GOLGB1: variants seen among roughly 807,000 people sequenced by gnomAD.
The protein encoded by GOLGB1 is golgin B1, also known as golgin subfamily B member 1.
In GOLGB1, 174 loss-of-function variants were observed where a neutral mutation model predicts 336.9. The observed-to-expected ratio is 0.52, with a 90% CI of 0.46 to 0.59. The LOEUF (loss-of-function observed/expected upper bound fraction) is 0.59, where lower values mean the gene tolerates loss of function less well. Among genes scored for constraint, GOLGB1 ranks in the 20% least tolerant of loss-of-function variants. The pLI, the probability that GOLGB1 is intolerant of heterozygous loss-of-function variation, is 0.00. For missense variants in GOLGB1, 3,331 were observed against 3,645.3 expected (o/e 0.91, Z 2.22); for synonymous variants, 1,208 against 1,289.2 (o/e 0.94, Z 1.35).
Position 121,694,767 on chromosome 3 carries a change from G to A in GOLGB1, c.5756C>T (p.Thr1919Ile). Residue 1919 changes from threonine (T) to isoleucine (I), a missense_variant, in exon 13 of 22, where the codon ACA becomes ATA. Transcript: ENST00000614479. ...ELSRVTKLKETAEEEKDDLEE... is the reference protein window; with the variant it reads ...ELSRVTKLKEIAEEEKDDLEE... ...CAAATCATCTTTCTCTTCTTCTGCT[G>A]TCTCCTTTAGTTTGGTAACTCTGGA... The A allele has an allele frequency of 1.2e-6, 2 of 1,612,758 alleles. No homozygotes were observed. Among genetic ancestry groups the A allele is most frequent in the Admixed American group, 3.3e-5 (2 of 60,028 alleles).
Position 121,663,969 on chromosome 3 carries a change from G to A in GOLGB1, c.*511C>T, listed in dbSNP as rs1938243270. 6.4e-6 allele frequency: 1 copy of A among 156,856 alleles called. No individual in the cohort carries two copies. The allele number at this position is 156,856 out of a possible 1,614,324, so 9.7% of individuals were successfully genotyped here. On this transcript the variant is annotated 3_prime_UTR_variant, in exon 22 of 22. Coordinates refer to ENST00000614479, the MANE Select transcript of GOLGB1 (RefSeq NM_001366282.2). ...CAGCTTTCACCACCCTATTCTGCAA[G>A]AGACCTAAATCAGATGTCCTATGAG...
Position 121,691,251 on chromosome 3 carries a change from T to C in GOLGB1, c.8113A>G (p.Thr2705Ala). The C allele has an allele frequency of 6.2e-7, 1 of 1,614,038 alleles. No homozygotes were observed. Among genetic ancestry groups the C allele is most frequent in the Non-Finnish European group, 8.5e-7 (1 of 1,180,010 alleles). ...AGCTCTGCCACTCTCTCTTCTGCTG[T>C]TTCAGTTTCATTTCTCATTATCCCT... ...DAGIMRNETE[T>A]AEERVAELAR... The change falls in exon 14 of 22, where the codon ACA (threonine) becomes GCA (alanine). Residue 2705 changes from threonine to alanine, a missense_variant. Coordinates refer to ENST00000614479, the MANE Select transcript of GOLGB1 (RefSeq NM_001366282.2).
chr3:121,694,928 C>T lies in GOLGB1; in HGVS notation c.5595G>A (p.Lys1865=). ...AGLEEEKQKN[K]EFSQTLENEK... Reference sequence around the variant, plus strand: ...CATTTTCTAAAGTCTGGCTAAATTCCTTGTTTTTCTGCTTCTCCTCCTCTA... The same window carrying T: ...CATTTTCTAAAGTCTGGCTAAATTCTTTGTTTTTCTGCTTCTCCTCCTCTA... Residue 1865 remains lysine (K), a synonymous_variant, in exon 13 of 22, where the codon AAG becomes AAA. Transcript: ENST00000614479. 1 of 1,614,036 alleles carries T rather than the reference C, an allele frequency of 6.2e-7. No individual in the cohort carries two copies. The highest frequency in any genetic ancestry group is 8.5e-7 in the Non-Finnish European group (1 of 1,179,946).
At position 121,664,190 on chromosome 3, in the gene GOLGB1, G is replaced by T. The variant is rs1205913697; in HGVS notation, c.*290C>A. The T allele has an allele frequency of 7.7e-5, 30 of 388,562 alleles. No individual in the cohort carries two copies. In the East Asian group the frequency reaches 1.3e-3, roughly 16 times the overall value. 24.1% of individuals were successfully genotyped at this position (388,562 alleles called of 1,614,324 possible). A position where few individuals can be genotyped will look rare whatever the true frequency, so the allele number is the denominator to read the frequency against. On this transcript the variant is annotated 3_prime_UTR_variant, in exon 22 of 22. Coordinates refer to ENST00000614479, the MANE Select transcript of GOLGB1 (RefSeq NM_001366282.2). ...CAGTATCTTTTACAGGACCACAAAA[G>T]ATCAGGGTCCTGCAAAATCTCAACA...
chr3:121,734,560 A>G (rs1946355971), intron 1 of GOLGB1, among the ~76,000 whole-genome samples: 1 of 152,218 alleles, frequency 6.6e-6, no homozygotes, highest in Non-Finnish European at 1.5e-5. Flanking sequence ...GTGAATAGAT[A>G]CTTCACCAAA....
intron 10 of GOLGB1, among the ~76,000 whole-genome samples, chr3:121,703,800 A>G (rs79248370): frequency 0.13 from 19,361 of 152,238 alleles, 1,457 homozygotes; most frequent in African/African-American, 0.2. Context: ...GAAAAAAAAT[A>G]TAATCAACAG....
In GOLGB1 at chr3:121,663,232, G is replaced by A. The variant is rs959417136; in HGVS notation, c.*1248C>T. On this transcript the variant is annotated 3_prime_UTR_variant, in exon 22 of 22. Coordinates refer to ENST00000614479, the MANE Select transcript of GOLGB1 (RefSeq NM_001366282.2). ...CTGAAAATAATTTTATTATTTTACA[G>A]TTGTTCAGGAAACTTCCCAGGATGT... 5 of 152,152 alleles carry A rather than the reference G, an allele frequency of 3.3e-5. No individual in the cohort carries two copies. The highest frequency in any genetic ancestry group is 9.7e-5 in the African/African-American group (4 of 41,390). The allele number at this position is 152,152 out of a possible 1,614,324, so 9.4% of individuals were successfully genotyped here. A position where few individuals can be genotyped will look rare whatever the true frequency, so the allele number is the denominator to read the frequency against.
rs534057136 is a variant in GOLGB1 at position 121,743,348 on chromosome 3, G to A, written c.-3+6284C>T. ...GATGAAGCTGGAAACCATCATTCTC[G>A]CCAAACTATCACAAGGACAGAAATC... On this transcript the variant is annotated intron_variant, in intron 1 of 21. Transcript: ENST00000614479. Among the ~76,000 whole-genome samples the A allele has an allele frequency of 3.8e-4, 58 of 152,184 alleles. 1 individual carries two copies. Among genetic ancestry groups the A allele is most frequent in the African/African-American group, 1.3e-3 (54 of 41,524 alleles).
intron 10 of GOLGB1, among the ~76,000 whole-genome samples, chr3:121,705,341 CTGAG>C (rs1943723395): frequency 6.6e-6 from 1 of 152,146 alleles, no homozygotes; most frequent in African/African-American, 2.4e-5. Flanking sequence ...CTGCTAAAGA[CTGAG>C]TAACATGGAA....
intron 15 of GOLGB1, among the ~76,000 whole-genome samples, chr3:121,680,479 A>G (rs1337982691): frequency 6.6e-6 from 1 of 152,216 alleles, no homozygotes. Flanking sequence ...AAGTATAGAA[A>G]GCTTCAGCAA....
chr3:121,707,234 A>AAC (rs1553874476), intron 10 of GOLGB1, among the ~76,000 whole-genome samples: 6 of 150,976 alleles, frequency 4.0e-5, no homozygotes, highest in African/African-American at 1.5e-4. Context: ...TCAAAAAAAA[A>AAC]AAAAAAAACA....
chr3:121,693,198 A>AT (rs1489878806), intron 13 of GOLGB1, among the ~76,000 whole-genome samples: 1 of 152,204 alleles, frequency 6.6e-6, no homozygotes, highest in Non-Finnish European at 1.5e-5. Context: ...ATGAAAAGAA[A>AT]TACAGAGGCC....
intron 6 of GOLGB1, 43 bp from the exon 7 acceptor site, chr3:121,719,811 G>T: frequency 6.6e-7 from 1 of 1,517,796 alleles, no homozygotes; most frequent in South Asian, 1.3e-5. Flanking sequence ...TACACTCCCC[G>T]AATATTGCAC....
At chr3:121,728,121 T>A (rs978098145) in intron 4 of GOLGB1, among the ~76,000 whole-genome samples, 1 of 152,060 alleles carries the variant, frequency 6.6e-6, no homozygotes, top group African/African-American at 2.4e-5. Flanking sequence ...GGAAGAGAAC[T>A]GACAGAGGAA....
At chr3:121,704,113 G>A (rs1479354915) in intron 10 of GOLGB1, among the ~76,000 whole-genome samples, 1 of 147,898 alleles carries the variant, frequency 6.8e-6, no homozygotes, top group African/African-American at 2.5e-5. Flanking sequence ...GAAGACAGAA[G>A]AATAAAAAAA....
chr3:121,669,935 A>G (rs551741645), intron 17 of GOLGB1, among the ~76,000 whole-genome samples: 2 of 152,302 alleles, frequency 1.3e-5, no homozygotes, highest in South Asian at 4.1e-4. Flanking sequence ...GAGAGCATAG[A>G]TTCTCCCAGG....
Position 121,698,057 on chromosome 3 carries a change from A to G in GOLGB1, c.2466T>C (p.Asn822=). The G allele has an allele frequency of 6.2e-7, 1 of 1,614,090 alleles. No individual in the cohort carries two copies. The highest frequency in any genetic ancestry group is 8.5e-7 in the Non-Finnish European group (1 of 1,179,968). The change falls in exon 13 of 22, where the codon AAT becomes AAC. Residue 822 remains asparagine, a synonymous_variant. Coordinates refer to ENST00000614479, the MANE Select transcript of GOLGB1 (RefSeq NM_001366282.2). ...ACTGAAGCTGCACATCATCCAGTTC[A>G]TTCTGTAAAACTTCAATTTTCACAT... ...SKDVKIEVLQ[N]ELDDVQLQFS...
Position 121,663,634 on chromosome 3 carries a change from C to T in GOLGB1, c.*846G>A, listed in dbSNP as rs971187328. The T allele has an allele frequency of 1.3e-5, 2 of 152,132 alleles. No homozygotes were observed. Among genetic ancestry groups the T allele is most frequent in the South Asian group, 4.1e-4 (2 of 4,828 alleles). 9.4% of individuals were successfully genotyped at this position (152,132 alleles called of 1,614,324 possible). A position where few individuals can be genotyped will look rare whatever the true frequency, so the allele number is the denominator to read the frequency against. On this transcript the variant is annotated 3_prime_UTR_variant, in exon 22 of 22. Coordinates refer to ENST00000614479, the MANE Select transcript of GOLGB1 (RefSeq NM_001366282.2). ...TCAGACTCCTGGCTGAGAGTCAATGCCTAATATTGGCTCCCAGTGGCCCCT... is the reference window on the plus strand; with the variant it reads ...TCAGACTCCTGGCTGAGAGTCAATGTCTAATATTGGCTCCCAGTGGCCCCT...
intron 17 of GOLGB1, among the ~76,000 whole-genome samples, chr3:121,675,087 C>G (rs969376138): frequency 4.0e-5 from 6 of 151,620 alleles, no homozygotes; most frequent in African/African-American, 1.2e-4. Flanking sequence ...CCACCCGCCT[C>G]GGCCTCCCAA....
Sources: allele counts gnomAD v4.1 joint callset (sites outside exome capture counted in the v4.1 genomes callset), GRCh38; gene constraint gnomAD v4.1.1; transcripts MANE v1.5; gene names NCBI Gene and HGNC (gene_info 2026-07-23, HGNC 2026-07-21).